Variants in HPSE2 observed in about 807,000 individuals in gnomAD.
HPSE2 encodes the protein inactive heparanase-2.
In HPSE2, 38 loss-of-function variants were observed where a neutral mutation model predicts 60.5. The ratio of observed to expected loss-of-function variants is 0.63; its 90% CI spans 0.48 to 0.82. HPSE2 has a LOEUF of 0.82. Among genes scored for constraint, HPSE2 ranks in the 40% least tolerant of loss-of-function variants. The pLI is 0.00. For missense variants in HPSE2, 713 were observed against 740.4 expected (o/e 0.96, Z 0.43); for synonymous variants, 295 against 293.2 (o/e 1.01, Z -0.06).
chr10:98,880,714 G>A (rs1952999135), intron 3 of HPSE2, among the ~76,000 whole-genome samples: 2 of 152,146 alleles, frequency 1.3e-5, no homozygotes, highest in South Asian at 4.1e-4. Context: ...AGTAACAAGT[G>A]TTGCCCCAGA....
intron 9 of HPSE2, among the ~76,000 whole-genome samples, chr10:98,515,990 C>T (rs141281394): frequency 1.4e-3 from 210 of 152,320 alleles, no homozygotes; most frequent in Non-Finnish European, 2.6e-3. Flanking sequence ...TTTTGTACTC[C>T]ACCCTGTGGA....
At chr10:98,543,377 C>T (rs1459073944) in intron 9 of HPSE2, among the ~76,000 whole-genome samples, 1 of 151,874 alleles carries the variant, frequency 6.6e-6, no homozygotes, top group African/African-American at 2.4e-5. Context: ...CAAAATCATG[C>T]CAAAATGTAA....
At chr10:98,989,197 G>A (rs1295353016) in intron 3 of HPSE2, among the ~76,000 whole-genome samples, 8 of 152,044 alleles carry the variant, frequency 5.3e-5, no homozygotes, top group Admixed American at 1.3e-4. Flanking sequence ...ACATGCACAC[G>A]TATGTTTATT....
intron 3 of HPSE2, among the ~76,000 whole-genome samples, chr10:99,062,674 C>T (rs1191517780): frequency 6.6e-6 from 1 of 152,074 alleles, no homozygotes; most frequent in Non-Finnish European, 1.5e-5. Context: ...ATAGGCACAG[C>T]CAATGATCAG....
the HPSE2 span, among the ~76,000 whole-genome samples, chr10:99,278,555 C>T: frequency 6.6e-6 from 1 of 152,086 alleles, no homozygotes; most frequent in Non-Finnish European, 1.5e-5. Flanking sequence ...ATGGCCACTC[C>T]TAGCTAAAAA....
chr10:99,270,083 C>A, the HPSE2 span, among the ~76,000 whole-genome samples: 1 of 151,904 alleles, frequency 6.6e-6, no homozygotes, highest in African/African-American at 2.4e-5. Flanking sequence ...AGTAAAGAAA[C>A]AAGAATAAAC....
chr10:98,774,694 T>G (rs151131911), intron 3 of HPSE2, among the ~76,000 whole-genome samples: 1,736 of 152,298 alleles, frequency 0.011, 19 homozygotes, highest in Non-Finnish European at 0.016. Context: ...TTGCTTTCCC[T>G]GAAGTAAGAT....
intron 7 of HPSE2, among the ~76,000 whole-genome samples, chr10:98,626,474 A>G (rs180906572): frequency 2.3e-4 from 35 of 152,310 alleles, no homozygotes; most frequent in South Asian, 4.1e-4. Context: ...CTCAGAGTGC[A>G]AGGTGAGAAC....
chr10:98,696,094 T>C (rs1184225664), intron 5 of HPSE2, among the ~76,000 whole-genome samples: 2 of 152,044 alleles, frequency 1.3e-5, no homozygotes, highest in African/African-American at 2.4e-5. Flanking sequence ...TTGTACCTCC[T>C]TCTCAGATAT....
intron 9 of HPSE2, among the ~76,000 whole-genome samples, chr10:98,603,631 T>C (rs150454726): frequency 0.03 from 4,636 of 152,110 alleles, 264 homozygotes; most frequent in African/African-American, 0.11. Context: ...GGTTTCACCA[T>C]GTTGGGCAGG....
intron 3 of HPSE2, among the ~76,000 whole-genome samples, chr10:98,995,156 T>C (rs1484084182): frequency 6.6e-6 from 1 of 152,162 alleles, no homozygotes; most frequent in Non-Finnish European, 1.5e-5. Context: ...CCTAGCATTC[T>C]CTCCTAAATG....
At chr10:99,235,999 CTTT>C (rs371950895), upstream of HPSE2, 1 of 350,882 alleles carries the variant, frequency 2.8e-6, no homozygotes, top group Non-Finnish European at 4.8e-6. Flanking sequence ...TTGTTTTTTT[CTTT>C]TTTTTTTTTA....
At chr10:99,314,807 T>C in the HPSE2 span, among the ~76,000 whole-genome samples, 5 of 152,354 alleles carry the variant, frequency 3.3e-5, no homozygotes, top group Middle Eastern at 3.4e-3. Context: ...ATTTCTTTAA[T>C]GGCAATGTCA....
chr10:98,660,126 T>C (rs1947183555), intron 6 of HPSE2, among the ~76,000 whole-genome samples: 1 of 152,118 alleles, frequency 6.6e-6, no homozygotes, highest in Non-Finnish European at 1.5e-5. Flanking sequence ...AAAGTGCTGC[T>C]GGGGGGCAGA....
intron 3 of HPSE2, among the ~76,000 whole-genome samples, chr10:99,000,210 T>A (rs1264713195): frequency 1.3e-5 from 2 of 152,084 alleles, no homozygotes; most frequent in African/African-American, 2.4e-5. Context: ...GTCACTCAAA[T>A]GTCAGACCCA....
rs536116878 is a variant in HPSE2, at chr10:98,477,883, A to AGTATATATATACTATATATATATAT, written c.1613+4752_1613+4753insATATATATATATAGTATATATATAC. On this transcript the variant is annotated intron_variant, in intron 11 of 11. Coordinates refer to ENST00000370552, the MANE Select transcript of HPSE2 (RefSeq NM_021828.5). ...CAGCAGCATCATCAGATTCTCATAG[A>AGTATATATATACTATATATATATAT]AGTGTGAACCCTATTGTGAACTGCA... is the stretch of plus-strand genomic sequence containing the variant. Among the ~76,000 whole-genome samples, 758 of 152,288 alleles carry AGTATATATATACTATATATATATAT rather than the reference A, an allele frequency of 5.0e-3. 7 individuals are homozygous for AGTATATATATACTATATATATATAT. The highest frequency in any genetic ancestry group is 0.017 in the African/African-American group (720 of 41,546).
At chr10:98,591,973 C>G (rs1415578036) in intron 9 of HPSE2, among the ~76,000 whole-genome samples, 1 of 152,162 alleles carries the variant, frequency 6.6e-6, no homozygotes, top group Non-Finnish European at 1.5e-5. Flanking sequence ...CACTTTTAGG[C>G]AAGACTCCTG....
At chr10:99,163,367 A>G (rs1198449938) in intron 2 of HPSE2, among the ~76,000 whole-genome samples, 2 of 152,200 alleles carry the variant, frequency 1.3e-5, no homozygotes, top group African/African-American at 4.8e-5. Context: ...GAAATAAAAT[A>G]GTTCAAAAAT....
intron 7 of HPSE2, among the ~76,000 whole-genome samples, chr10:98,629,312 A>T (rs553329499): frequency 6.8e-4 from 104 of 152,354 alleles, no homozygotes; most frequent in African/African-American, 2.5e-3. Context: ...CTCTTTAAGT[A>T]ACCCAAACTG....
Sources: gnomAD v4.1 joint callset for allele counts (sites outside exome capture counted in the v4.1 genomes callset) on GRCh38, gnomAD v4.1.1 for gene constraint, MANE v1.5 for transcripts, NCBI Gene and HGNC (gene_info 2026-07-23, HGNC 2026-07-21) for gene names.